ITPR3: variants seen among roughly 807,000 people sequenced by gnomAD.
ITPR3 encodes inositol 1,4,5-trisphosphate receptor type 3.
In ITPR3, 173 loss-of-function variants were observed where a neutral mutation model predicts 293.2. That is an observed-to-expected ratio of 0.59 (90% confidence interval 0.52 to 0.67). ITPR3 has a LOEUF of 0.67. ITPR3 is among the 30% of genes least tolerant of loss of function. The probability of loss-of-function intolerance (pLI) is 0.00; values close to 1 mark genes in which losing one functional copy is unlikely to be tolerated. For synonymous variants in ITPR3, 1,295 were observed against 1,444.4 expected, an observed-to-expected ratio of 0.90 and a Z score of 2.35; for missense variants, 2,796 against 3,592.1, an observed-to-expected ratio of 0.78 and a Z score of 5.66.
chr6:33,660,870 A>C (rs551903245), intron 7 of ITPR3, among the ~76,000 whole-genome samples: 1 of 152,314 alleles, frequency 6.6e-6, no homozygotes. Context: ...TGGAGGTTGC[A>C]GTAAGCCAAG....
intron 2 of ITPR3, among the ~76,000 whole-genome samples, chr6:33,650,211 G>T (rs944264205): frequency 6.6e-6 from 1 of 152,198 alleles, no homozygotes; most frequent in Non-Finnish European, 1.5e-5. Context: ...GGCCCCTTCT[G>T]GGGTTCTGAC....
At chr6:33,645,539 A>T (rs1465259920) in intron 2 of ITPR3, among the ~76,000 whole-genome samples, 1 of 152,196 alleles carries the variant, frequency 6.6e-6, no homozygotes, top group Admixed American at 6.5e-5. Flanking sequence ...GCGATGCTGC[A>T]GTGAGCCTCC....
chr6:33,692,484 C>T lies in ITPR3; in HGVS notation c.7459-244C>T, dbSNP rs1280230469. ...GCCAGACTCCTTCTGCAGGCCTCCACCCCGGCGTGTCCTGAGTCCACGCTT... is the reference window on the plus strand; with the variant it reads ...GCCAGACTCCTTCTGCAGGCCTCCATCCCGGCGTGTCCTGAGTCCACGCTT... On this transcript the variant is annotated intron_variant, in intron 54 of 57. Transcript: ENST00000605930. This position sits in a 1 kb window ranked among gnomAD's most constrained non-coding sequence, Gnocchi z 4.2. 6.6e-6 allele frequency among the ~76,000 whole-genome samples: 1 copy of T among 152,080 alleles called. No individual in the cohort carries two copies. The highest frequency in any genetic ancestry group is 2.4e-5 in the African/African-American group (1 of 41,420).
chr6:33,659,099 G>A lies in ITPR3; in HGVS notation c.607G>A (p.Asp203Asn). The change falls in exon 6 of 58, where the codon GAC (aspartate) becomes AAC (asparagine). Residue 203 changes from aspartate (D) to asparagine (N), a missense_variant. Transcript: ENST00000605930. ...PLHASNYELS[D>N]NAGCKEVNSV... ...GCATGCCAGCAATTACGAGCTCAGC[G>A]ACAACGCCGGCTGCAAGGAGGTGAG... is the stretch of plus-strand genomic sequence containing the variant. The A allele has an allele frequency of 6.2e-7, 1 of 1,613,952 alleles. No homozygotes were observed. The highest frequency in any genetic ancestry group is 8.5e-7 in the Non-Finnish European group (1 of 1,179,978).
At chr6:33,680,800 T>C in intron 33 of ITPR3, 120 bp downstream of exon 33, 1 of 1,147,850 alleles carries the variant, frequency 8.7e-7, no homozygotes, top group South Asian at 1.6e-5. Context: ...AACAAAAGGA[T>C]ACATAAGTGT....
rs1765117107 is a variant in ITPR3, at chr6:33,682,954, G to A, written c.4598-253G>A. Among the ~76,000 whole-genome samples the A allele has an allele frequency of 6.6e-6, 1 of 152,048 alleles. No individual in the cohort carries two copies. The highest frequency in any genetic ancestry group is 1.5e-5 in the Non-Finnish European group (1 of 68,030). On this transcript the variant is annotated intron_variant, in intron 34 of 57. Transcript: ENST00000605930. The surrounding 1 kb of genome is among the most constrained non-coding windows in gnomAD (Gnocchi z 5.4). Reference sequence around the variant, plus strand: ...TAGGGACAGTTGGGGAAGAAGAGAGGACAGGTGAGAGAGAGGAAGGGGAAG... The same window carrying A: ...TAGGGACAGTTGGGGAAGAAGAGAGAACAGGTGAGAGAGAGGAAGGGGAAG...
At position 33,684,520 on chromosome 6, in the gene ITPR3, C is replaced by A. The variant is rs924862825; in HGVS notation, c.5046+55C>A. The A allele has an allele frequency of 5.6e-6, 9 of 1,604,814 alleles. No homozygotes were observed. Among genetic ancestry groups the A allele is most frequent in the Non-Finnish European group, 7.7e-6 (9 of 1,171,840 alleles). ...TGGGCCAGTCAGGAGTACCCAGGGG[C>A]TCAGGGTCAAGCCCGTCAGGCCAGT... On this transcript the variant is annotated intron_variant, in intron 37 of 57. Transcript: ENST00000605930. The surrounding 1 kb of genome is among the most constrained non-coding windows in gnomAD (Gnocchi z 4.2).
intron 56 of ITPR3, chr6:33,694,625 G>A (rs950630166): frequency 1.9e-5 from 7 of 373,542 alleles, no homozygotes; most frequent in Non-Finnish European, 3.0e-5. Context: ...CACCTCTCAG[G>A]GGGTGTTATG....
At position 33,658,494 on chromosome 6, in the gene ITPR3, TTGTG is replaced by T. The variant is rs1764369402; in HGVS notation, c.370-171_370-168del. On this transcript the variant is annotated intron_variant, in intron 4 of 57. Transcript: ENST00000605930. This position sits in a 1 kb window ranked among gnomAD's most constrained non-coding sequence, Gnocchi z 6.1. ...GGGGGTGTGCCTGTTGTGTGCACGT[TTGTG>T]TGTGATTGTGGTTGTGAATGTGGGT... Among the ~76,000 whole-genome samples, 1 of 152,124 alleles carries T rather than the reference TTGTG, an allele frequency of 6.6e-6. No individual in the cohort carries two copies. The highest frequency in any genetic ancestry group is 1.5e-5 in the Non-Finnish European group (1 of 68,010).
Position 33,691,092 on chromosome 6 carries a change from C to A in ITPR3, c.7208C>A (p.Pro2403His). 1.2e-6 allele frequency: 2 copies of A among 1,614,162 alleles called. No homozygotes were observed. Among genetic ancestry groups the A allele is most frequent in the Non-Finnish European group, 1.7e-6 (2 of 1,180,018 alleles). ...DDFILEVDRL[P>H]NNHSTASPLG... ...TTCATTCTCGAGGTCGACCGGCTGC[C>A]CAACAACCACTCCACAGGTCTTGGA... The change falls in exon 52 of 58, where the codon CCC becomes CAC. Residue 2403 changes from proline to histidine, a missense_variant. Pro to His is a moderately conservative substitution (Grantham distance 77). Transcript: ENST00000605930. This position sits in a 1 kb window ranked among gnomAD's most constrained non-coding sequence, Gnocchi z 4.9.
rs200128099 is a variant in ITPR3, at chr6:33,677,083, C to T, written c.3516C>T (p.Val1172=). The T allele has an allele frequency of 1.2e-6, 2 of 1,614,012 alleles. No homozygotes were observed. The highest frequency in any genetic ancestry group is 1.7e-6 in the Non-Finnish European group (2 of 1,179,920). ...GEKSSENYQI[V]KGILERLNKM... ...AAAGCAGTGAGAACTACCAGATCGT[C>T]AAGGGCGTGAGTGGCCAAGGGTCCT... The change falls in exon 27 of 58, where the codon GTC becomes GTT. Residue 1172 remains valine (V), a synonymous_variant. Transcript: ENST00000605930.
At chr6:33,674,119 G>A (rs1348833760) in intron 23 of ITPR3, 89 bp from the exon 24 acceptor site, 1 of 1,482,828 alleles carries the variant, frequency 6.7e-7, no homozygotes, top group East Asian at 2.3e-5. Flanking sequence ...AGCCAGTGCA[G>A]GGAAGAGGGT....
chr6:33,686,453 C>T lies in ITPR3; in HGVS notation c.5913C>T (p.Thr1971=), dbSNP rs376357642. The T allele has an allele frequency of 5.5e-5, 89 of 1,614,124 alleles. No homozygotes were observed. The East Asian group carries it at 7.1e-4, about 13-fold the overall frequency. Residue 1971 remains threonine (T), a synonymous_variant, in exon 43 of 58, where the codon ACC becomes ACT. Coordinates refer to ENST00000605930, the MANE Select transcript of ITPR3 (RefSeq NM_002224.4). ...AGTCCAATGGCATAGACATCATCAC[C>T]GCACTGATCCTCAATGACATCAGCC... ...THESNGIDII[T]ALILNDISPL...
chr6:33,652,023 G>A (rs1422964513), intron 2 of ITPR3, among the ~76,000 whole-genome samples: 1 of 152,110 alleles, frequency 6.6e-6, no homozygotes, highest in East Asian at 1.9e-4. Flanking sequence ...TGGAGACCAA[G>A]TAGCTGACAA....
intron 1 of ITPR3, among the ~76,000 whole-genome samples, chr6:33,630,120 A>G (rs1763639960): frequency 6.6e-6 from 1 of 152,128 alleles, no homozygotes; most frequent in African/African-American, 2.4e-5. Flanking sequence ...GATCCTGTCA[A>G]GGTACTCGTG....
chr6:33,643,260 G>A (rs1266325851), intron 2 of ITPR3, among the ~76,000 whole-genome samples: 1 of 152,032 alleles, frequency 6.6e-6, no homozygotes, highest in African/African-American at 2.4e-5. Context: ...GCCATTGCTG[G>A]GACTCCCAGC....
chr6:33,695,852 T>A lies in ITPR3; in HGVS notation c.*72T>A. 3.3e-6 allele frequency: 5 copies of A among 1,499,562 alleles called. No homozygotes were observed. In the South Asian group the frequency reaches 5.6e-5, roughly 17 times the overall value. The allele number at this position is 1,499,562 out of a possible 1,614,324, so 92.9% of individuals were successfully genotyped here. ...TGCGACTGGGAAGAACACTGCCCCC[T>A]CCCTCGGGTTGGGTGGCCCAGCCAG... is the stretch of plus-strand genomic sequence containing the variant. On this transcript the variant is annotated 3_prime_UTR_variant, in exon 58 of 58. Coordinates refer to ENST00000605930, the MANE Select transcript of ITPR3 (RefSeq NM_002224.4).
Position 33,621,715 on chromosome 6 carries a change from G to C in ITPR3, c.89+24G>C. On this transcript the variant is annotated intron_variant, in intron 1 of 57. Transcript: ENST00000605930. This position sits in a 1 kb window ranked among gnomAD's most constrained non-coding sequence, Gnocchi z 7.7. Reference sequence around the variant, plus strand: ...GGGTGAGTGAGCCGAGCTCGAGAGGGGCGCGGGTAAAGAGGGGGCGCCGTG... The same window carrying C: ...GGGTGAGTGAGCCGAGCTCGAGAGGCGCGCGGGTAAAGAGGGGGCGCCGTG... 6.4e-7 allele frequency: 1 copy of C among 1,572,680 alleles called. No individual in the cohort carries two copies.
intron 2 of ITPR3, among the ~76,000 whole-genome samples, chr6:33,645,189 C>T (rs1276551129): frequency 6.6e-6 from 1 of 151,702 alleles, no homozygotes; most frequent in Non-Finnish European, 1.5e-5. Context: ...CAAATATTGG[C>T]CGGGTGTGGT....
Sources: allele counts gnomAD v4.1 joint callset (sites outside exome capture counted in the v4.1 genomes callset), GRCh38; gene constraint gnomAD v4.1.1; non-coding constraint Gnocchi (gnomAD v3.1); transcripts MANE v1.5; gene names NCBI Gene and HGNC (gene_info 2026-07-23, HGNC 2026-07-21).